The following SMG5 variants were observed in gnomAD, a reference collection of about 807,000 sequenced individuals.
SMG5 encodes nonsense-mediated mRNA decay factor SMG5.
In SMG5, 53 loss-of-function variants were observed where a neutral mutation model predicts 122.9. The ratio of observed to expected loss-of-function variants is 0.43; its 90% CI spans 0.35 to 0.54. The LOEUF (loss-of-function observed/expected upper bound fraction) is 0.54. Ranked by LOEUF, SMG5 falls within the 20% of genes least tolerant of loss-of-function variation. The probability of loss-of-function intolerance (pLI) is 0.01; values close to 1 mark genes in which losing one functional copy is unlikely to be tolerated. For missense variants in SMG5, 1,153 were observed against 1,285.6 expected, an observed-to-expected ratio of 0.90 and a Z score of 1.58; for synonymous variants, 477 against 490.2, an observed-to-expected ratio of 0.97 and a Z score of 0.35.
At chr1:156,253,393 G>A (rs1008250635) in intron 17 of SMG5, 56 bp downstream of exon 17, 2 of 1,570,912 alleles carry the variant, frequency 1.3e-6, no homozygotes, top group East Asian at 2.2e-5. Flanking sequence ...TGCCAGTAGG[G>A]TTGACACAAA....
upstream of SMG5, chr1:156,286,398 C>T: frequency 6.2e-7 from 1 of 1,614,202 alleles, no homozygotes; most frequent in Non-Finnish European, 8.5e-7. Context: ...TTCAACCTGG[C>T]CGTGCTTTCC....
At chr1:156,285,509 C>T (rs752608151), upstream of SMG5, 13 of 1,614,108 alleles carry the variant, frequency 8.1e-6, no homozygotes, top group South Asian at 4.4e-5. Flanking sequence ...CCCTGGCTGG[C>T]GGGACATTGA....
chr1:156,285,952 C>A, upstream of SMG5: 1 of 1,610,524 alleles, frequency 6.2e-7, no homozygotes. Context: ...CACTGCGCTG[C>A]GGGGTCTTTG....
chr1:156,263,626 G>C (rs1661968526), intron 12 of SMG5, 56 bp from the exon 13 acceptor site: 1 of 1,577,024 alleles, frequency 6.3e-7, no homozygotes, highest in Non-Finnish European at 8.7e-7. Context: ...TGACACTTGG[G>C]AACAGGCCTC....
intron 7 of SMG5, among the ~76,000 whole-genome samples, chr1:156,271,279 AC>A (rs745499175): frequency 6.2e-4 from 94 of 152,322 alleles, no homozygotes; most frequent in Non-Finnish European, 1.1e-3. Context: ...ATTTGGATAT[AC>A]TTTAGTAGTT....
In SMG5 at chr1:156,275,124, C is replaced by T. The variant is rs146795796; in HGVS notation, c.455-438G>A. ...TTGCCCAAGAATGAAATGTGAATGA[C>T]GCCAATTAAAAAAAAAAAAAAAAAA... On this transcript the variant is annotated intron_variant, in intron 4 of 21. Transcript: ENST00000361813. 7.2e-3 allele frequency among the ~76,000 whole-genome samples: 887 copies of T among 123,248 alleles called. 9 individuals carry two copies. Among genetic ancestry groups the T allele is most frequent in the Admixed American group, 0.019 (202 of 10,852 alleles). 80.9% of individuals were successfully genotyped at this position (123,248 alleles called of 152,430 possible).
At position 156,263,571 on chromosome 1, in the gene SMG5, C is replaced by CT. The variant is rs1271580677; in HGVS notation, c.1856-2dup. ...TCCGACTCAGAGCCCTCCTCAGAGG[C>CT]TGGGGGGTGGGTGAATGGAAGAGAA... On this transcript the variant is annotated splice_acceptor_variant, in intron 12 of 21. Coordinates refer to ENST00000361813, the MANE Select transcript of SMG5 (RefSeq NM_015327.3). LOFTEE classifies it high-confidence loss of function. 1 of 1,612,024 alleles carries CT rather than the reference C, an allele frequency of 6.2e-7. No homozygotes were observed.
chr1:156,286,121 C>A, upstream of SMG5: 2 of 1,370,998 alleles, frequency 1.5e-6, no homozygotes, highest in Non-Finnish European at 2.0e-6. Flanking sequence ...AGTCTGCATG[C>A]CCATCTCCTC....
upstream of SMG5, among the ~76,000 whole-genome samples, chr1:156,284,681 C>T (rs1472954709): frequency 6.6e-6 from 1 of 152,140 alleles, no homozygotes; most frequent in Non-Finnish European, 1.5e-5. Flanking sequence ...CTCTTTGGGT[C>T]AGATCAGTTG....
chr1:156,260,488 A>G lies in SMG5; in HGVS notation c.2246T>C (p.Phe749Ser). The change falls in exon 15 of 22, where the codon TTT becomes TCT. Residue 749 changes from phenylalanine to serine, a missense_variant. Coordinates refer to ENST00000361813, the MANE Select transcript of SMG5 (RefSeq NM_015327.3). ...GCTGAGCAGGGGCCGATCCGTGTCA[A>G]AGTTAAAGCGTCTGTGGGCAGCTCG... The part of the protein sequence containing the change: ...PLRAAHRRFN[F>S]DTDRPLLSTL... The G allele has an allele frequency of 6.3e-7, 1 of 1,593,254 alleles. No individual in the cohort carries two copies. Among genetic ancestry groups the G allele is most frequent in the Non-Finnish European group, 8.5e-7 (1 of 1,172,588 alleles).
At chr1:156,259,501 C>T (rs1001150904) in intron 15 of SMG5, among the ~76,000 whole-genome samples, 5 of 152,174 alleles carry the variant, frequency 3.3e-5, no homozygotes, top group African/African-American at 1.2e-4. Flanking sequence ...TTCTCATATG[C>T]TCTAGGGGAC....
At chr1:156,262,348 C>T (rs928699350) in intron 13 of SMG5, among the ~76,000 whole-genome samples, 6 of 151,102 alleles carry the variant, frequency 4.0e-5, no homozygotes, top group African/African-American at 1.2e-4. Context: ...GGTGTGGTGG[C>T]GCCTGTAGTC....
In SMG5 at chr1:156,268,036, C is replaced by G; in HGVS notation, c.908+79G>C. 2.1e-6 allele frequency: 3 copies of G among 1,450,852 alleles called. No homozygotes were observed. The East Asian group carries it at 6.8e-5, about 33-fold the overall frequency. The allele number at this position is 1,450,852 out of a possible 1,614,324, so 89.9% of individuals were successfully genotyped here. ...ACTGAGGGCAGAACTCGACAGTCCA[C>G]CCTTGTCAAGGTTCCTTCTGTAAAG... is the stretch of plus-strand genomic sequence containing the variant. On this transcript the variant is annotated intron_variant, in intron 9 of 21. Transcript: ENST00000361813.
chr1:156,261,822 G>A (rs1369614046), intron 13 of SMG5, among the ~76,000 whole-genome samples: 1 of 150,468 alleles, frequency 6.6e-6, no homozygotes, highest in Non-Finnish European at 1.5e-5. Flanking sequence ...CCCAGGAGGC[G>A]GAGGCTGCAG....
rs1663003565 is a variant in SMG5 at position 156,282,543 on chromosome 1, G to A, written c.74+64C>T. The A allele has an allele frequency of 6.6e-6, 10 of 1,519,004 alleles. No homozygotes were observed. In the East Asian group the frequency reaches 2.5e-4, roughly 37 times the overall value. 94.1% of individuals were successfully genotyped at this position (1,519,004 alleles called of 1,614,324 possible). On this transcript the variant is annotated intron_variant, in intron 1 of 21. Coordinates refer to ENST00000361813, the MANE Select transcript of SMG5 (RefSeq NM_015327.3). Reference sequence around the variant, plus strand: ...CACCCGGGCCCCGCCCGCCCGGGAGGCCCCGCCCCTCGCCGTCTCCCCACT... The same window carrying A: ...CACCCGGGCCCCGCCCGCCCGGGAGACCCCGCCCCTCGCCGTCTCCCCACT...
At chr1:156,291,203 A>G in the SMG5 span, 1 of 593,720 alleles carries the variant, frequency 1.7e-6, no homozygotes. Flanking sequence ...TCAATCACTT[A>G]TAGTAATTAG....
rs1253237685 is a variant in SMG5 at position 156,249,960 on chromosome 1, G to T, written c.*627C>A. The stretch of plus-strand genomic sequence containing the variant: ...GGCAATGGGATGTGCAGCCCCTGCA[G>T]CAGGAGGAGGAGCACACGAACCCTG... On this transcript the variant is annotated 3_prime_UTR_variant, in exon 22 of 22. Transcript: ENST00000361813. The T allele has an allele frequency of 3.0e-5, 14 of 470,912 alleles. No homozygotes were observed. The highest frequency in any genetic ancestry group is 1.9e-4 in the South Asian group (12 of 64,544). The allele number at this position is 470,912 out of a possible 1,614,324, so 29.2% of individuals were successfully genotyped here.
chr1:156,278,188 C>T (rs1452961035), intron 2 of SMG5, 140 bp from the exon 3 acceptor site: 7 of 1,028,410 alleles, frequency 6.8e-6, no homozygotes, highest in African/African-American at 1.6e-5. Flanking sequence ...GTCAATATGA[C>T]CCAGCACAAC....
chr1:156,285,452 T>C (rs776039180), upstream of SMG5: 6 of 1,613,998 alleles, frequency 3.7e-6, no homozygotes, highest in South Asian at 6.6e-5. Flanking sequence ...GGCTGCCACC[T>C]TGCCCTGGGG....
Sources: gnomAD v4.1 joint callset for allele counts (sites outside exome capture counted in the v4.1 genomes callset) on GRCh38, gnomAD v4.1.1 for gene constraint, MANE v1.5 for transcripts, NCBI Gene and HGNC (gene_info 2026-07-23, HGNC 2026-07-21) for gene names.